The following POLE2 variants were observed in gnomAD, a reference collection of about 807,000 sequenced individuals.
POLE2 encodes the protein DNA polymerase epsilon subunit 2.
In POLE2, 56 loss-of-function variants were observed where a neutral mutation model predicts 79.4. That is an observed-to-expected ratio of 0.71 (90% CI 0.57 to 0.88). POLE2 has a LOEUF of 0.88. Ranked by LOEUF, POLE2 falls within the 40% of genes least tolerant of loss-of-function variation. POLE2 has a pLI of 0.00. For missense variants in POLE2, 598 were observed against 638.9 expected (o/e 0.94, Z 0.69); for synonymous variants, 212 against 214.0 (o/e 0.99, Z 0.08).
chr14:49,659,028 G>A (rs1198292697), intron 10 of POLE2, among the ~76,000 whole-genome samples: 1 of 152,120 alleles, frequency 6.6e-6, no homozygotes, highest in Non-Finnish European at 1.5e-5. Context: ...AAGATGTGGA[G>A]ATGAAAAACA....
Position 49,655,788 on chromosome 14 carries a change from T to C in POLE2, c.811A>G (p.Thr271Ala). The C allele has an allele frequency of 6.2e-7, 1 of 1,600,724 alleles. No homozygotes were observed. Among genetic ancestry groups the C allele is most frequent in the Non-Finnish European group, 8.6e-7 (1 of 1,169,184 alleles). ...TCTAGCTGTTTTAGTTTTGCAGAAG[T>C]CTTCACAGATGTATTAGAAGGACCT... ...FGGPSNTSVK[T>A]SAKLKQLEEE... The change falls in exon 11 of 19, where the codon ACT becomes GCT. Residue 271 changes from threonine (T) to alanine (A), a missense_variant. Thr to Ala is a moderately conservative substitution (Grantham distance 58). Transcript: ENST00000216367.
At position 49,669,506 on chromosome 14, in the gene POLE2, C is replaced by A. The variant is rs1566554910; in HGVS notation, c.492+18G>T. 1 of 1,300,350 alleles carries A rather than the reference C, an allele frequency of 7.7e-7. No individual in the cohort carries two copies. The highest frequency in any genetic ancestry group is 1.7e-5 in the Admixed American group (1 of 58,288). The allele number at this position is 1,300,350 out of a possible 1,614,324, so 80.6% of individuals were successfully genotyped here. On this transcript the variant is annotated intron_variant, in intron 6 of 18. Coordinates refer to ENST00000216367, the MANE Select transcript of POLE2 (RefSeq NM_002692.4). Reference sequence around the variant, plus strand: ...TTACACACTTATACCCCCTACATAACTAGGATAATGTTCTAACCTGGAATT... The same window carrying A: ...TTACACACTTATACCCCCTACATAAATAGGATAATGTTCTAACCTGGAATT...
intron 1 of POLE2, among the ~76,000 whole-genome samples, chr14:49,686,890 A>G (rs936716104): frequency 1.4e-4 from 21 of 151,694 alleles, no homozygotes; most frequent in African/African-American, 5.1e-4. Context: ...AAAGTCCCAT[A>G]AAACTCACAA....
chr14:49,685,789 G>GTT (rs553198026), intron 1 of POLE2, among the ~76,000 whole-genome samples: 1 of 144,244 alleles, frequency 6.9e-6, no homozygotes, highest in Non-Finnish European at 1.5e-5. Flanking sequence ...TGGCTGGTTG[G>GTT]TTTTTTTTTT....
At chr14:49,658,318 C>T (rs1212960882) in intron 10 of POLE2, among the ~76,000 whole-genome samples, 3 of 152,106 alleles carry the variant, frequency 2.0e-5, no homozygotes, top group Admixed American at 6.6e-5. Context: ...CCTCGTGATC[C>T]GCCCGCCTAG....
chr14:49,645,856 C>T (rs1241545228), intron 18 of POLE2, among the ~76,000 whole-genome samples: 1 of 152,156 alleles, frequency 6.6e-6, no homozygotes, highest in Non-Finnish European at 1.5e-5. Flanking sequence ...TGGTCTTAAA[C>T]TCCTGACTTA....
At chr14:49,687,337 C>G (rs1467767630) in intron 1 of POLE2, among the ~76,000 whole-genome samples, 2 of 142,744 alleles carry the variant, frequency 1.4e-5, no homozygotes, top group Non-Finnish European at 3.1e-5. Flanking sequence ...CACACACACA[C>G]GTACATATAG....
At position 49,665,099 on chromosome 14, in the gene POLE2, A is replaced by T; in HGVS notation, c.633+8T>A. The T allele has an allele frequency of 7.9e-7, 1 of 1,262,732 alleles. No individual in the cohort carries two copies. Among genetic ancestry groups the T allele is most frequent in the Non-Finnish European group, 1.1e-6 (1 of 870,632 alleles). The allele number at this position is 1,262,732 out of a possible 1,614,324, so 78.2% of individuals were successfully genotyped here. A position where few individuals can be genotyped will look rare whatever the true frequency, so the allele number is the denominator to read the frequency against. On this transcript the variant is annotated splice_region_variant and intron_variant, in intron 8 of 18. Coordinates refer to ENST00000216367, the MANE Select transcript of POLE2 (RefSeq NM_002692.4). ...AGATTTTAAAAAATACAGACAAGTG[A>T]AGGATATAGCTTTACTAAGGTCTAG...
chr14:49,652,596 C>A (rs767883475), intron 15 of POLE2, among the ~76,000 whole-genome samples: 4 of 152,096 alleles, frequency 2.6e-5, no homozygotes, highest in African/African-American at 7.2e-5. Context: ...CACAGGAGCA[C>A]GAATCCTGTT....
chr14:49,676,790 G>A (rs1862179083), intron 3 of POLE2, among the ~76,000 whole-genome samples: 1 of 152,228 alleles, frequency 6.6e-6, no homozygotes, highest in Admixed American at 6.5e-5. Context: ...AAGCATCCTG[G>A]TCGTTGCTAT....
intron 2 of POLE2, 128 bp from the exon 3 acceptor site, chr14:49,679,928 G>T (rs1594615259): frequency 1.7e-6 from 1 of 600,752 alleles, no homozygotes; most frequent in East Asian, 2.8e-5. Context: ...AGTTTTTGGA[G>T]AAAAAAAGTG....
intron 17 of POLE2, among the ~76,000 whole-genome samples, chr14:49,648,804 C>G (rs1188275788): frequency 6.6e-6 from 1 of 152,170 alleles, no homozygotes; most frequent in Admixed American, 6.5e-5. Flanking sequence ...GCTGGACAAA[C>G]TGTGTGTTTG....
At chr14:49,656,703 T>C (rs1884704887) in intron 10 of POLE2, among the ~76,000 whole-genome samples, 1 of 152,180 alleles carries the variant, frequency 6.6e-6, no homozygotes, top group East Asian at 1.9e-4. Flanking sequence ...CATCCTGCAG[T>C]TCCCAGCTTA....
At chr14:49,672,779 G>A (rs752863106) in intron 5 of POLE2, among the ~76,000 whole-genome samples, 1 of 152,080 alleles carries the variant, frequency 6.6e-6, no homozygotes, top group African/African-American at 2.4e-5. Flanking sequence ...GATTACAGGC[G>A]TGAGCCACTG....
chr14:49,686,433 G>A (rs1887141819), intron 1 of POLE2, among the ~76,000 whole-genome samples: 1 of 152,126 alleles, frequency 6.6e-6, no homozygotes, highest in Non-Finnish European at 1.5e-5. Context: ...ACTGAATCCT[G>A]CCAACAACTG....
intron 5 of POLE2, 103 bp from the exon 6 acceptor site, chr14:49,669,701 C>G: frequency 1.6e-6 from 1 of 629,420 alleles, no homozygotes; most frequent in Non-Finnish European, 2.8e-6. Flanking sequence ...ACTAATGTCA[C>G]TATTACTTAT....
rs1160002603 is a variant in POLE2 at position 49,660,584 on chromosome 14, C to T, written c.755+2731G>A. On this transcript the variant is annotated intron_variant, in intron 10 of 18. Coordinates refer to ENST00000216367, the MANE Select transcript of POLE2 (RefSeq NM_002692.4). ...AGTCGGAAACCTTGGGATCAAAGCA[C>T]ATCTCTAACAATAAAAAGTTTGGGC... Among the ~76,000 whole-genome samples the T allele has an allele frequency of 2.0e-5, 3 of 151,990 alleles. No individual in the cohort carries two copies. In the East Asian group the frequency reaches 5.8e-4, roughly 29 times the overall value.
At chr14:49,670,826 C>G (rs1163364537) in intron 5 of POLE2, among the ~76,000 whole-genome samples, 1 of 152,176 alleles carries the variant, frequency 6.6e-6, no homozygotes, top group Admixed American at 6.5e-5. Flanking sequence ...GCACCTGAAT[C>G]CAGCCAGGCT....
At chr14:49,674,571 CTTTTTCTTTTTT>C in intron 3 of POLE2, 144 bp from the exon 4 acceptor site, 1 of 623,510 alleles carries the variant, frequency 1.6e-6, no homozygotes, top group Non-Finnish European at 2.9e-6. Context: ...TTTTCTTTTT[CTTTTTCTTTTTT>C]AAGACAGAGT....
Sources: gnomAD v4.1 joint callset for allele counts (sites outside exome capture counted in the v4.1 genomes callset) on GRCh38, gnomAD v4.1.1 for gene constraint, MANE v1.5 for transcripts, NCBI Gene and HGNC (gene_info 2026-07-23, HGNC 2026-07-21) for gene names.